LRRTM4: variants seen among roughly 807,000 people sequenced by gnomAD.
LRRTM4 encodes leucine-rich repeat transmembrane neuronal protein 4.
In LRRTM4, 25 loss-of-function variants were observed where a neutral mutation model predicts 47.6. The ratio of observed to expected loss-of-function variants is 0.53; its 90% confidence interval spans 0.38 to 0.73. LRRTM4 has a LOEUF of 0.73. Among genes scored for constraint, LRRTM4 ranks in the 30% least tolerant of loss-of-function variants. The pLI is 0.00. For missense variants in LRRTM4, 638 were observed against 713.4 expected (o/e 0.89, Z 1.20); for synonymous variants, 311 against 269.5 (o/e 1.15, Z -1.51).
chr2:76,868,554 A>C (rs1460342658), intron 3 of LRRTM4, among the ~76,000 whole-genome samples: 1 of 152,188 alleles, frequency 6.6e-6, no homozygotes, highest in East Asian at 1.9e-4. Flanking sequence ...TTTTAGGATT[A>C]TATTAGAGAC....
intron 3 of LRRTM4, among the ~76,000 whole-genome samples, chr2:77,125,750 C>T (rs924623856): frequency 1.3e-5 from 2 of 151,902 alleles, no homozygotes; most frequent in Non-Finnish European, 2.9e-5. Flanking sequence ...AATTTAGATA[C>T]CATTCCTAAT....
intron 3 of LRRTM4, among the ~76,000 whole-genome samples, chr2:76,770,354 C>G (rs573789541): frequency 6.6e-6 from 1 of 152,256 alleles, no homozygotes; most frequent in African/African-American, 2.4e-5. Flanking sequence ...ACTCCCATCT[C>G]CATCATCTGT....
At chr2:77,171,791 G>T (rs1373647747) in intron 3 of LRRTM4, among the ~76,000 whole-genome samples, 2 of 151,836 alleles carry the variant, frequency 1.3e-5, no homozygotes, top group Admixed American at 1.3e-4. Flanking sequence ...TTTTATAAAA[G>T]AAAAAGTCAT....
At chr2:76,895,415 C>T (rs1558720313) in intron 3 of LRRTM4, among the ~76,000 whole-genome samples, 1 of 152,010 alleles carries the variant, frequency 6.6e-6, no homozygotes, top group Non-Finnish European at 1.5e-5. Flanking sequence ...GTAAATCAAG[C>T]TCACAAATGT....
chr2:77,194,928 A>G (rs1247227400), intron 3 of LRRTM4, among the ~76,000 whole-genome samples: 1 of 152,122 alleles, frequency 6.6e-6, no homozygotes, highest in African/African-American at 2.4e-5. Context: ...AAACAAGGAA[A>G]TTTATTTTGT....
At chr2:77,262,962 T>A (rs1389486006) in intron 3 of LRRTM4, among the ~76,000 whole-genome samples, 1 of 152,044 alleles carries the variant, frequency 6.6e-6, no homozygotes, top group East Asian at 1.9e-4. Context: ...AAAACCCTCG[T>A]GATGGGAGGT....
chr2:77,002,462 T>A (rs1296873780), intron 3 of LRRTM4, among the ~76,000 whole-genome samples: 1 of 152,152 alleles, frequency 6.6e-6, no homozygotes, highest in East Asian at 1.9e-4. Flanking sequence ...TGTTTCCCCA[T>A]AACCACCATT....
chr2:77,173,031 T>G (rs187946698), intron 3 of LRRTM4, among the ~76,000 whole-genome samples: 1 of 152,282 alleles, frequency 6.6e-6, no homozygotes, highest in Admixed American at 6.5e-5. Context: ...AGGGATGCAA[T>G]AATCAGCTGC....
intron 3 of LRRTM4, among the ~76,000 whole-genome samples, chr2:76,943,976 T>C (rs1675240097): frequency 6.6e-6 from 1 of 152,142 alleles, no homozygotes; most frequent in South Asian, 2.1e-4. Context: ...TAAAGTTTTT[T>C]CATTGATCTC....
At chr2:77,436,906 T>C (rs1182894601) in intron 3 of LRRTM4, among the ~76,000 whole-genome samples, 1 of 151,878 alleles carries the variant, frequency 6.6e-6, no homozygotes, top group African/African-American at 2.4e-5. Context: ...CCATTCTGAG[T>C]ACATCTATAA....
chr2:77,316,904 T>G (rs1677635175), intron 3 of LRRTM4, among the ~76,000 whole-genome samples: 1 of 152,238 alleles, frequency 6.6e-6, no homozygotes, highest in Admixed American at 6.5e-5. Flanking sequence ...AAATTGTGCC[T>G]GCCTTGCAAT....
At chr2:76,965,174 C>G (rs1196035437) in intron 3 of LRRTM4, among the ~76,000 whole-genome samples, 3 of 151,062 alleles carry the variant, frequency 2.0e-5, no homozygotes, top group African/African-American at 7.3e-5. Flanking sequence ...ACACAGAGGA[C>G]AAACTTCCTA....
At chr2:77,255,672 G>A (rs1489679945) in intron 3 of LRRTM4, among the ~76,000 whole-genome samples, 1 of 151,954 alleles carries the variant, frequency 6.6e-6, no homozygotes, top group Non-Finnish European at 1.5e-5. Context: ...AATAATCCAT[G>A]TGTCGAATAG....
intron 3 of LRRTM4, among the ~76,000 whole-genome samples, chr2:77,360,548 T>TCATACATACATA (rs34364581): frequency 1.2e-4 from 16 of 138,684 alleles, no homozygotes; most frequent in African/African-American, 2.5e-4. Flanking sequence ...ATACAATCAT[T>TCATACATACATA]CATACATACA....
intron 3 of LRRTM4, among the ~76,000 whole-genome samples, chr2:77,023,570 C>G (rs754870263): frequency 6.6e-6 from 1 of 152,190 alleles, no homozygotes; most frequent in Non-Finnish European, 1.5e-5. Context: ...TTAGAAATTT[C>G]TTCTGCCAGG....
chr2:77,115,036 G>C (rs1474262823), intron 3 of LRRTM4, among the ~76,000 whole-genome samples: 1 of 152,070 alleles, frequency 6.6e-6, no homozygotes, highest in Non-Finnish European at 1.5e-5. Context: ...GGAGACCAGG[G>C]CGTATTTCAG....
At chr2:77,146,473 G>C (rs1672264634) in intron 3 of LRRTM4, among the ~76,000 whole-genome samples, 1 of 152,060 alleles carries the variant, frequency 6.6e-6, no homozygotes, top group Non-Finnish European at 1.5e-5. Flanking sequence ...AAACCAAGCT[G>C]AAACATTGCA....
chr2:77,232,710 G>A (rs1474508714), intron 3 of LRRTM4, among the ~76,000 whole-genome samples: 1 of 152,092 alleles, frequency 6.6e-6, no homozygotes, highest in African/African-American at 2.4e-5. Context: ...CACTATGAAC[G>A]TATTGTTGCA....
At chr2:76,862,629 A>G (rs1672346419) in intron 3 of LRRTM4, among the ~76,000 whole-genome samples, 1 of 152,188 alleles carries the variant, frequency 6.6e-6, no homozygotes, top group Non-Finnish European at 1.5e-5. Context: ...TATCTCACAC[A>G]CGCGTGCGCG....
Sources: gnomAD v4.1 joint callset for allele counts (sites outside exome capture counted in the v4.1 genomes callset) on GRCh38, gnomAD v4.1.1 for gene constraint, MANE v1.5 for transcripts, NCBI Gene and HGNC (gene_info 2026-07-23, HGNC 2026-07-21) for gene names.